ARHGEF18: variants seen among roughly 807,000 people sequenced by gnomAD.
ARHGEF18 encodes the protein rho guanine nucleotide exchange factor 18.
Under a neutral mutation model 155.7 loss-of-function variants are expected in ARHGEF18, and 93 were observed. The observed-to-expected ratio is 0.60, with a 90% CI of 0.50 to 0.71. The LOEUF is 0.71. ARHGEF18 is among the 30% of genes least tolerant of loss of function. ARHGEF18 has a pLI of 0.00. For missense variants in ARHGEF18, 1,593 were observed against 1,816.1 expected (o/e 0.88, Z 2.23); for synonymous variants, 742 against 753.1 (o/e 0.99, Z 0.24).
chr19:7,364,402 A>AAGGAAGGAAGGCAGGC (rs36151895), intron 2 of ARHGEF18, among the ~76,000 whole-genome samples: 1,750 of 129,662 alleles, frequency 0.013, 42 homozygotes, highest in African/African-American at 0.04. Flanking sequence ...GGAAGGAAGG[A>AAGGAAGGAAGGCAGGC]AGGCAGGCTG....
At chr19:7,405,368 T>C (rs1037946139) in intron 10 of ARHGEF18, among the ~76,000 whole-genome samples, 4 of 152,222 alleles carry the variant, frequency 2.6e-5, no homozygotes, top group Non-Finnish European at 5.9e-5. Flanking sequence ...GTTTCCCCTC[T>C]GTATCTGTGT....
intron 7 of ARHGEF18, 27 bp downstream of exon 7, chr19:7,379,193 G>A (rs1035923887): frequency 3.2e-6 from 4 of 1,232,160 alleles, no homozygotes; most frequent in Non-Finnish European, 4.0e-6. Flanking sequence ...ACAGGCTTGA[G>A]GGGAGCAAAG....
In ARHGEF18 at chr19:7,410,653, TAAAA is replaced by T. The variant is rs759181491; in HGVS notation, c.967+27454_967+27457del. ...GGTAAAACCCCATCTCTACTAAAAA[TAAAA>T]AAATTAGCTGGGTGTGGTGGCATGC... On this transcript the variant is annotated intron_variant, in intron 10 of 28. Transcript: ENST00000668164. 1.1e-4 allele frequency among the ~76,000 whole-genome samples: 17 copies of T among 151,150 alleles called. No individual in the cohort carries two copies. The South Asian group carries it at 2.9e-3, about 26-fold the overall frequency.
chr19:7,363,816 GT>G (rs1465232875), intron 2 of ARHGEF18, among the ~76,000 whole-genome samples: 1 of 149,038 alleles, frequency 6.7e-6, no homozygotes, highest in Non-Finnish European at 1.5e-5. Flanking sequence ...TGGATAATGG[GT>G]GGGTGAATGG....
intron 1 of ARHGEF18, among the ~76,000 whole-genome samples, chr19:7,361,220 G>A (rs2145336776): frequency 6.6e-6 from 1 of 152,346 alleles, no homozygotes; most frequent in Middle Eastern, 3.4e-3. Context: ...GGGATTGCCT[G>A]AGCTCAGGAG....
At chr19:7,409,995 G>A (rs1568308113) in intron 10 of ARHGEF18, among the ~76,000 whole-genome samples, 2 of 143,938 alleles carry the variant, frequency 1.4e-5, no homozygotes, top group Non-Finnish European at 3.0e-5. Flanking sequence ...TTACCATGTT[G>A]GCCAGGTTGG....
chr19:7,447,792 G>A (rs936098849), intron 15 of ARHGEF18, among the ~76,000 whole-genome samples: 1 of 151,926 alleles, frequency 6.6e-6, no homozygotes, highest in Non-Finnish European at 1.5e-5. Flanking sequence ...CCAGGAGTTC[G>A]AGACCAGCCT....
At chr19:7,477,536 C>T in the ARHGEF18 span, 2 of 1,013,580 alleles carry the variant, frequency 2.0e-6, no homozygotes, top group Non-Finnish European at 2.7e-6. Flanking sequence ...TGAGCCCCTG[C>T]CTGTGAGTGG....
At chr19:7,355,647 A>T in intron 1 of ARHGEF18, 1 of 985,412 alleles carries the variant, frequency 1.0e-6, no homozygotes, top group Non-Finnish European at 1.2e-6. Flanking sequence ...TCGGTGCTCA[A>T]CCACTCCTGG....
At chr19:7,359,933 T>C (rs1311462248) in intron 1 of ARHGEF18, among the ~76,000 whole-genome samples, 1 of 151,968 alleles carries the variant, frequency 6.6e-6, no homozygotes, top group Non-Finnish European at 1.5e-5. Context: ...GGTGGGAGGA[T>C]CATATGAGAC....
intron 10 of ARHGEF18, among the ~76,000 whole-genome samples, chr19:7,422,578 A>AC (rs1443883231): frequency 1.3e-5 from 2 of 151,276 alleles, no homozygotes; most frequent in Non-Finnish European, 2.9e-5. Context: ...TCCTCAGGCC[A>AC]CCCCAGCTCC....
rs948191707 is a variant in ARHGEF18, at chr19:7,440,672, C to T, written c.1106+190C>T. On this transcript the variant is annotated intron_variant, in intron 11 of 28. Transcript: ENST00000668164. The surrounding 1 kb of genome is among the most constrained non-coding windows in gnomAD (Gnocchi z 5.4). ...CGCCTTTTTTGCAAAAACGATGTGT[C>T]CCGGGGTGTATTCGGCCCCTGGTGG... Among the ~76,000 whole-genome samples the T allele has an allele frequency of 6.6e-6, 1 of 152,154 alleles. No individual in the cohort carries two copies. Among genetic ancestry groups the T allele is most frequent in the African/African-American group, 2.4e-5 (1 of 41,442 alleles).
chr19:7,388,896 A>G (rs1178110252), intron 10 of ARHGEF18, among the ~76,000 whole-genome samples: 5 of 151,954 alleles, frequency 3.3e-5, no homozygotes, highest in Admixed American at 2.0e-4. Flanking sequence ...TTTGATTTTT[A>G]AAAAATATAC....
At chr19:7,445,884 A>G (rs1343871478) in intron 14 of ARHGEF18, among the ~76,000 whole-genome samples, 1 of 151,916 alleles carries the variant, frequency 6.6e-6, no homozygotes, top group East Asian at 1.9e-4. Flanking sequence ...CAGTCTCCCA[A>G]ACTGCTGGGA....
intron 10 of ARHGEF18, among the ~76,000 whole-genome samples, chr19:7,386,856 G>A (rs572995994): frequency 2.2e-4 from 34 of 152,116 alleles, no homozygotes; most frequent in African/African-American, 7.7e-4. Context: ...GTGTGAGCCT[G>A]GAAGTTCCCA....
chr19:7,432,448 C>T (rs907491722), intron 10 of ARHGEF18, among the ~76,000 whole-genome samples: 1 of 152,166 alleles, frequency 6.6e-6, no homozygotes, highest in Admixed American at 6.5e-5. Flanking sequence ...AACCGAGGTG[C>T]TTGTCTGGTT....
intron 15 of ARHGEF18, among the ~76,000 whole-genome samples, chr19:7,449,229 G>A (rs930101916): frequency 5.3e-5 from 8 of 152,050 alleles, no homozygotes; most frequent in Admixed American, 1.3e-4. Context: ...CTATGCTCCC[G>A]AGAGAGTGTC....
Position 7,403,926 on chromosome 19 carries a change from G to A in ARHGEF18, c.967+20723G>A, listed in dbSNP as rs188348398. ...CTAAAAATACAAAAATTAACCAGGC[G>A]TGGTGGCTGGTGCCTGTAATCCCAG... On this transcript the variant is annotated intron_variant, in intron 10 of 28. Transcript: ENST00000668164. Among the ~76,000 whole-genome samples the A allele has an allele frequency of 3.1e-3, 477 of 152,234 alleles. 2 individuals carry two copies. The highest frequency in any genetic ancestry group is 5.0e-3 in the Non-Finnish European group (338 of 68,014).
intron 10 of ARHGEF18, among the ~76,000 whole-genome samples, chr19:7,393,730 G>T (rs1971531098): frequency 1.3e-5 from 2 of 150,962 alleles, no homozygotes; most frequent in South Asian, 4.2e-4. Flanking sequence ...AGTGGATAGG[G>T]GAGGGTATGG....
Sources: gnomAD v4.1 joint callset for allele counts (sites outside exome capture counted in the v4.1 genomes callset) on GRCh38, gnomAD v4.1.1 for gene constraint, Gnocchi (gnomAD v3.1) non-coding constraint, MANE v1.5 for transcripts, NCBI Gene and HGNC (gene_info 2026-07-23, HGNC 2026-07-21) for gene names.